The following CMTM8 variants were observed in gnomAD, a reference collection of about 807,000 sequenced individuals.
CMTM8 encodes the protein CKLF-like MARVEL transmembrane domain-containing protein 8.
A neutral mutation model predicts 18.6 loss-of-function variants in CMTM8; 12 were observed. The observed-to-expected ratio is 0.65, with a 90% CI of 0.41 to 1.05. CMTM8 has a LOEUF of 1.05. Among genes scored for constraint, CMTM8 ranks in the 50% least tolerant of loss-of-function variants. The pLI, the probability that CMTM8 is intolerant of heterozygous loss-of-function variation, is 0.00. For synonymous variants in CMTM8, 87 were observed against 90.6 expected, an observed-to-expected ratio of 0.96 and a Z score of 0.23; for missense variants, 217 against 227.2, an observed-to-expected ratio of 0.95 and a Z score of 0.29.
In CMTM8 at chr3:32,367,946, T is replaced by C; in HGVS notation, c.396T>C (p.Pro132=). The C allele has an allele frequency of 1.9e-6, 3 of 1,614,012 alleles. No homozygotes were observed. In the South Asian group the frequency reaches 3.3e-5, roughly 18 times the overall value. Residue 132 remains proline, a synonymous_variant, in exon 3 of 4, where the codon CCT becomes CCC. Transcript: ENST00000307526. ...AAVVDASSVS[P]ERDSHNFNSW... is the part of the protein sequence containing the mutation. ...TTGTAGATGCATCTTCCGTCTCCCCTGAGAGGGACAGTCACAACTTCAACA... is the reference window on the plus strand; with the variant it reads ...TTGTAGATGCATCTTCCGTCTCCCCCGAGAGGGACAGTCACAACTTCAACA...
intron 2 of CMTM8, among the ~76,000 whole-genome samples, chr3:32,363,810 T>C (rs528401778): frequency 3.2e-4 from 49 of 152,332 alleles, no homozygotes; most frequent in African/African-American, 1.2e-3. Flanking sequence ...CCTGGGAACA[T>C]GCTTTTCTGA....
chr3:32,357,340 C>T lies in CMTM8; in HGVS notation c.148-33C>T, dbSNP rs368830141. The T allele has an allele frequency of 6.5e-5, 102 of 1,564,890 alleles. No homozygotes were observed. In the African/African-American group the frequency reaches 1.3e-3, roughly 20 times the overall value. ...TCTTTTTCTTTATCTTCTACTGTCCCCTCCTCTCTCCACTGCTTCTACCAC... is the reference window on the plus strand; with the variant it reads ...TCTTTTTCTTTATCTTCTACTGTCCTCTCCTCTCTCCACTGCTTCTACCAC... On this transcript the variant is annotated intron_variant, in intron 1 of 3. Transcript: ENST00000307526.
intron 1 of CMTM8, among the ~76,000 whole-genome samples, chr3:32,261,087 C>T (rs1258912193): frequency 2.0e-5 from 3 of 150,998 alleles, no homozygotes; most frequent in Admixed American, 6.6e-5. Flanking sequence ...CCAGGTGTGG[C>T]GGTGCATGAC....
rs375431013 is a variant in CMTM8 at position 32,239,008 on chromosome 3, C to T, written c.36C>T (p.Val12=). 10 of 1,559,964 alleles carry T rather than the reference C, an allele frequency of 6.4e-6. No homozygotes were observed. The highest frequency in any genetic ancestry group is 8.7e-6 in the Non-Finnish European group (10 of 1,152,768). The change falls in exon 1 of 4, where the codon GTC becomes GTT. Residue 12 remains valine, a synonymous_variant. Coordinates refer to ENST00000307526, the MANE Select transcript of CMTM8 (RefSeq NM_178868.5). Reference sequence around the variant, plus strand: ...CGCAGCGCGCCCGCTCGCACACAGTCACCACCACCGCCAGCTCCTTCGCAG... The same window carrying T: ...CGCAGCGCGCCCGCTCGCACACAGTTACCACCACCGCCAGCTCCTTCGCAG... ...EEPQRARSHT[V]TTTASSFAEN... is the part of the protein sequence containing the mutation.
At chr3:32,305,221 A>C (rs1695695995) in intron 1 of CMTM8, among the ~76,000 whole-genome samples, 1 of 145,018 alleles carries the variant, frequency 6.9e-6, no homozygotes, top group African/African-American at 2.5e-5. Flanking sequence ...ACATTTGGTA[A>C]TGACTGGAGG....
intron 1 of CMTM8, among the ~76,000 whole-genome samples, chr3:32,278,249 G>C (rs534638135): frequency 1.2e-4 from 18 of 152,342 alleles, no homozygotes; most frequent in African/African-American, 3.6e-4. Context: ...ACATCTGACT[G>C]CAGATGAAGC....
chr3:32,284,103 A>G (rs949471110), intron 1 of CMTM8, among the ~76,000 whole-genome samples: 1 of 152,172 alleles, frequency 6.6e-6, no homozygotes, highest in African/African-American at 2.4e-5. Context: ...AGTACAAAAA[A>G]TCAGCTGGGT....
intron 1 of CMTM8, among the ~76,000 whole-genome samples, chr3:32,315,394 T>C: frequency 6.6e-6 from 1 of 152,192 alleles, no homozygotes; most frequent in East Asian, 1.9e-4. Flanking sequence ...CCTCCCAAAG[T>C]GCTGGGATTA....
At chr3:32,349,306 G>A (rs752130177) in intron 1 of CMTM8, among the ~76,000 whole-genome samples, 1 of 152,036 alleles carries the variant, frequency 6.6e-6, no homozygotes, top group Non-Finnish European at 1.5e-5. Context: ...CTGTGTGTTG[G>A]GGAATCCCCA....
intron 1 of CMTM8, among the ~76,000 whole-genome samples, chr3:32,285,374 G>A (rs569202871): frequency 3.6e-4 from 55 of 152,132 alleles, no homozygotes; most frequent in South Asian, 2.9e-3. Context: ...AATCAACTGG[G>A]CGTGTTGGCA....
intron 1 of CMTM8, among the ~76,000 whole-genome samples, chr3:32,344,398 T>G (rs947277374): frequency 4.6e-5 from 7 of 152,224 alleles, no homozygotes; most frequent in Non-Finnish European, 8.8e-5. Context: ...AGCCAACTTA[T>G]GTCCTATAGC....
Position 32,367,932 on chromosome 3 carries a change from T to A in CMTM8, c.382T>A (p.Ser128Thr). Reference protein sequence around the residue: ...LYLSAAVVDASSVSPERDSHN... With the variant: ...LYLSAAVVDATSVSPERDSHN... The stretch of plus-strand genomic sequence containing the variant: ...CCTCTCTGCCGCTGTTGTAGATGCA[T>A]CTTCCGTCTCCCCTGAGAGGGACAG... The change falls in exon 3 of 4, where the codon TCT becomes ACT. Residue 128 changes from serine to threonine, a missense_variant. Transcript: ENST00000307526. 1 of 1,614,152 alleles carries A rather than the reference T, an allele frequency of 6.2e-7. No individual in the cohort carries two copies. Among genetic ancestry groups the A allele is most frequent in the Non-Finnish European group, 8.5e-7 (1 of 1,180,020 alleles).
intron 1 of CMTM8, among the ~76,000 whole-genome samples, chr3:32,253,787 A>T (rs1276122799): frequency 6.6e-6 from 1 of 152,034 alleles, no homozygotes. Flanking sequence ...ATCATAGTAC[A>T]CTTCAGCTTT....
At chr3:32,287,667 G>A (rs527654120) in intron 1 of CMTM8, among the ~76,000 whole-genome samples, 2 of 152,250 alleles carry the variant, frequency 1.3e-5, no homozygotes, top group Non-Finnish European at 2.9e-5. Flanking sequence ...TTCTGTGGTC[G>A]ATTAGATTGT....
chr3:32,315,287 A>G (rs923439184), intron 1 of CMTM8, among the ~76,000 whole-genome samples: 11 of 151,504 alleles, frequency 7.3e-5, no homozygotes, highest in African/African-American at 1.9e-4. Flanking sequence ...ATGCCACCAC[A>G]CCCAGCTAAT....
chr3:32,295,778 C>T (rs1702868094), intron 1 of CMTM8, among the ~76,000 whole-genome samples: 2 of 152,220 alleles, frequency 1.3e-5, no homozygotes, highest in East Asian at 3.9e-4. Context: ...ATGGTTCAGA[C>T]TCCTTTCCTG....
At chr3:32,364,650 T>C (rs532316940) in intron 2 of CMTM8, among the ~76,000 whole-genome samples, 79 of 152,352 alleles carry the variant, frequency 5.2e-4, no homozygotes, top group African/African-American at 1.6e-3. Context: ...AAATGTTCAC[T>C]TAAATTTTCA....
chr3:32,265,761 A>G (rs1220917986), intron 1 of CMTM8, among the ~76,000 whole-genome samples: 1 of 152,226 alleles, frequency 6.6e-6, no homozygotes, highest in Non-Finnish European at 1.5e-5. Flanking sequence ...ATAAAAAATG[A>G]TAAAGAGGAT....
At chr3:32,277,761 A>G (rs1483569364) in intron 1 of CMTM8, among the ~76,000 whole-genome samples, 1 of 152,234 alleles carries the variant, frequency 6.6e-6, no homozygotes, top group African/African-American at 2.4e-5. Flanking sequence ...GTAAGTAAAT[A>G]TCAGATATTA....
Sources: allele counts gnomAD v4.1 joint callset (sites outside exome capture counted in the v4.1 genomes callset), GRCh38; gene constraint gnomAD v4.1.1; transcripts MANE v1.5; gene names NCBI Gene and HGNC (gene_info 2026-07-23, HGNC 2026-07-21).